SORCS2: variants seen among roughly 807,000 people sequenced by gnomAD.
SORCS2 encodes the protein VPS10 domain-containing receptor SorCS2.
A neutral mutation model predicts 141.6 loss-of-function variants in SORCS2; 100 were observed. The ratio of observed to expected loss-of-function variants is 0.71; its 90% CI spans 0.60 to 0.83. The LOEUF is 0.83. Among genes scored for constraint, SORCS2 ranks in the 40% least tolerant of loss-of-function variants. The pLI, the probability that SORCS2 is intolerant of heterozygous loss-of-function variation, is 0.00. For synonymous variants in SORCS2, 789 were observed against 676.9 expected (o/e 1.17, Z -2.57); for missense variants, 1,646 against 1,560.2 (o/e 1.05, Z -0.93).
intron 2 of SORCS2, among the ~76,000 whole-genome samples, chr4:7,461,114 C>T (rs1379332789): frequency 1.3e-5 from 2 of 152,134 alleles, no homozygotes; most frequent in Non-Finnish European, 2.9e-5. Context: ...GAGAGGAGGC[C>T]ATGTCAGGAC....
intron 2 of SORCS2, among the ~76,000 whole-genome samples, chr4:7,511,385 G>C (rs56201520): frequency 2.2e-5 from 3 of 137,500 alleles, no homozygotes; most frequent in African/African-American, 5.5e-5. Flanking sequence ...CACACAAAAA[G>C]CCAGAGATCC....
intron 4 of SORCS2, among the ~76,000 whole-genome samples, chr4:7,645,457 A>G (rs1721010050): frequency 6.6e-6 from 1 of 152,020 alleles, no homozygotes; most frequent in Admixed American, 6.5e-5. Context: ...GTTTGTGAGT[A>G]TGTATATGCA....
intron 12 of SORCS2, among the ~76,000 whole-genome samples, chr4:7,701,372 G>A (rs762919082): frequency 6.6e-6 from 1 of 152,182 alleles, no homozygotes; most frequent in Non-Finnish European, 1.5e-5. Flanking sequence ...AGGTAAAAGT[G>A]CTTCCTGGAG....
At chr4:7,704,526 C>T (rs1433259758) in intron 14 of SORCS2, among the ~76,000 whole-genome samples, 1 of 152,248 alleles carries the variant, frequency 6.6e-6, no homozygotes, top group Non-Finnish European at 1.5e-5. Context: ...CCTTTCTCAG[C>T]CATATGGCAT....
At chr4:7,215,518 C>T (rs76029198) in intron 1 of SORCS2, among the ~76,000 whole-genome samples, 48,181 of 152,016 alleles carry the variant, frequency 0.32, 8,310 homozygotes, top group Non-Finnish European at 0.39. Flanking sequence ...AGTGCGAGTG[C>T]ATGGCGCCGG....
At chr4:7,392,402 C>T (rs1723923892) in intron 1 of SORCS2, among the ~76,000 whole-genome samples, 1 of 152,188 alleles carries the variant, frequency 6.6e-6, no homozygotes, top group African/African-American at 2.4e-5. Context: ...GACAGGTTCT[C>T]CCTCCTGTCT....
rs138001017 is a variant in SORCS2 at position 7,633,422 on chromosome 4, CA to C, written c.649-4905del. Among the ~76,000 whole-genome samples, 759 of 152,310 alleles carry C rather than the reference CA, an allele frequency of 5.0e-3. 11 individuals are homozygous for C. Among genetic ancestry groups the C allele is most frequent in the East Asian group, 0.031 (160 of 5,180 alleles). ...ACCAGTCAAATTTCCATTCATTCTT[CA>C]GGGCTCATCTGGGTGTCATCACCTC... On this transcript the variant is annotated intron_variant, in intron 3 of 26. Transcript: ENST00000507866.
chr4:7,576,024 G>T (rs948123058), intron 3 of SORCS2, among the ~76,000 whole-genome samples: 2 of 152,242 alleles, frequency 1.3e-5, no homozygotes, highest in African/African-American at 4.8e-5. Context: ...TCTAGGAGAT[G>T]TCACATATCA....
At position 7,704,163 on chromosome 4, in the gene SORCS2, T is replaced by C; in HGVS notation, c.1761-14T>C. 6.2e-7 allele frequency: 1 copy of C among 1,608,244 alleles called. No homozygotes were observed. The highest frequency in any genetic ancestry group is 1.1e-5 in the South Asian group (1 of 89,594). The stretch of plus-strand genomic sequence containing the variant: ...CAGCCCACCCCAGAGATGCTGACGA[T>C]CTTCTCCTGGCAGGTTCAGTGTGGA... On this transcript the variant is annotated splice_polypyrimidine_tract_variant and intron_variant, in intron 13 of 26. Coordinates refer to ENST00000507866, the MANE Select transcript of SORCS2 (RefSeq NM_020777.3).
intron 1 of SORCS2, among the ~76,000 whole-genome samples, chr4:7,388,028 ACG>A (rs1193416794): frequency 6.6e-6 from 1 of 150,770 alleles, no homozygotes; most frequent in Non-Finnish European, 1.5e-5. Context: ...ATACACAGAT[ACG>A]CACACATGCA....
At chr4:7,266,352 G>C (rs536151996) in intron 1 of SORCS2, among the ~76,000 whole-genome samples, 89 of 152,280 alleles carry the variant, frequency 5.8e-4, no homozygotes, top group African/African-American at 2.1e-3. Flanking sequence ...GGCTTGTTTC[G>C]GGAGCAGCTG....
chr4:7,708,671 G>C (rs1725631483), intron 14 of SORCS2, among the ~76,000 whole-genome samples: 1 of 152,216 alleles, frequency 6.6e-6, no homozygotes, highest in South Asian at 2.1e-4. Flanking sequence ...GACAGGGGCT[G>C]CAACGCAGCT....
intron 1 of SORCS2, among the ~76,000 whole-genome samples, chr4:7,241,259 G>A (rs768795496): frequency 7.2e-5 from 11 of 152,154 alleles, no homozygotes; most frequent in African/African-American, 1.4e-4. Context: ...CTGGGGGGCC[G>A]GTGGGGCTTG....
intron 8 of SORCS2, among the ~76,000 whole-genome samples, chr4:7,675,137 G>A (rs1029844528): frequency 6.6e-6 from 1 of 152,228 alleles, no homozygotes; most frequent in Admixed American, 6.5e-5. Context: ...AAGAAAACAA[G>A]AAACTGAGGT....
chr4:7,506,376 T>C (rs1476140661), intron 2 of SORCS2, among the ~76,000 whole-genome samples: 2 of 152,176 alleles, frequency 1.3e-5, no homozygotes, highest in Non-Finnish European at 2.9e-5. Flanking sequence ...TAACTCTCTG[T>C]TTGCCATGGT....
chr4:7,513,024 A>C (rs1732758766), intron 2 of SORCS2, among the ~76,000 whole-genome samples: 1 of 152,144 alleles, frequency 6.6e-6, no homozygotes, highest in Admixed American at 6.5e-5. Context: ...GGAGGTGCTC[A>C]AAGGACCATA....
Position 7,724,163 on chromosome 4 carries a change from A to G in SORCS2, c.2611+280A>G, listed in dbSNP as rs949235731. On this transcript the variant is annotated intron_variant, in intron 19 of 26. Transcript: ENST00000507866. ...GGTGATGGTCGTGGTGGTGGTGGTGATGGTGGTGATGGTGATAGCAGTACT... is the reference window on the plus strand; with the variant it reads ...GGTGATGGTCGTGGTGGTGGTGGTGGTGGTGGTGATGGTGATAGCAGTACT... 1.6e-3 allele frequency among the ~76,000 whole-genome samples: 198 copies of G among 124,378 alleles called. 1 individual carries two copies. The highest frequency in any genetic ancestry group is 3.6e-3 in the African/African-American group (106 of 29,500). The allele number at this position is 124,378 out of a possible 152,430, so 81.6% of individuals were successfully genotyped here.
intron 9 of SORCS2, 66 bp from the exon 10 acceptor site, chr4:7,682,677 G>A (rs1723599243): frequency 1.3e-6 from 2 of 1,493,862 alleles, no homozygotes; most frequent in African/African-American, 2.8e-5. Context: ...GCTGGAGCAT[G>A]GTGGATACTT....
intron 4 of SORCS2, among the ~76,000 whole-genome samples, chr4:7,643,686 C>T (rs572925051): frequency 2.0e-5 from 3 of 152,318 alleles, no homozygotes; most frequent in African/African-American, 4.8e-5. Context: ...GAAAAACCCT[C>T]ACAGTCCCCC....
Sources: allele counts gnomAD v4.1 joint callset (sites outside exome capture counted in the v4.1 genomes callset), GRCh38; gene constraint gnomAD v4.1.1; transcripts MANE v1.5; gene names NCBI Gene and HGNC (gene_info 2026-07-23, HGNC 2026-07-21).